IMMT: variants seen among roughly 807,000 people sequenced by gnomAD.
IMMT encodes inner membrane mitochondrial protein, also known as MICOS complex subunit MIC60.
In IMMT, 40 loss-of-function variants were observed where a neutral mutation model predicts 92.7. The ratio of observed to expected loss-of-function variants is 0.43; its 90% CI spans 0.34 to 0.56. The LOEUF (loss-of-function observed/expected upper bound fraction) is 0.56. IMMT is among the 20% of genes least tolerant of loss of function. The pLI, the probability that IMMT is intolerant of heterozygous loss-of-function variation, is 0.03. For synonymous variants in IMMT, 322 were observed against 336.1 expected (o/e 0.96, Z 0.46); for missense variants, 831 against 912.1 (o/e 0.91, Z 1.14).
intron 11 of IMMT, among the ~76,000 whole-genome samples, chr2:86,152,629 C>T (rs1234320788): frequency 6.7e-6 from 1 of 149,990 alleles, no homozygotes; most frequent in Non-Finnish European, 1.5e-5. Context: ...GGCATGGGGG[C>T]ACATGCCTGT....
At chr2:86,178,314 T>G (rs368867969) in intron 3 of IMMT, among the ~76,000 whole-genome samples, 95 of 60,014 alleles carry the variant, frequency 1.6e-3, no homozygotes, top group African/African-American at 6.2e-3. Flanking sequence ...CAAGACTCCA[T>G]CTCAAAAAAA....
rs1281814607 is a variant in IMMT, at chr2:86,170,743, A to C, written c.655+6T>G. ...AAATCCTTAAGAAGCTGTCTGGTTT[A>C]CATACACTCAATTTTAACTTGTTCT... On this transcript the variant is annotated splice_donor_region_variant and intron_variant, in intron 6 of 14. Coordinates refer to ENST00000410111, the MANE Select transcript of IMMT (RefSeq NM_006839.3). The C allele has an allele frequency of 6.4e-7, 1 of 1,560,490 alleles. No homozygotes were observed. The highest frequency in any genetic ancestry group is 1.2e-5 in the South Asian group (1 of 85,222).
In IMMT at chr2:86,151,463, A is replaced by G. The variant is rs753362535; in HGVS notation, c.1235T>C (p.Ile412Thr). The G allele has an allele frequency of 1.9e-6, 3 of 1,614,002 alleles. No individual in the cohort carries two copies. The highest frequency in any genetic ancestry group is 8.5e-7 in the Non-Finnish European group (1 of 1,179,904). Reference protein sequence around the residue: ...NSLIAHAHRRIDQLNRELAEQ... With the variant: ...NSLIAHAHRRTDQLNRELAEQ... The stretch of plus-strand genomic sequence containing the variant: ...TGCCAGCTCTCTGTTCAGCTGATCA[A>G]TACGACGATGTGCATGAGCAATGAG... The change falls in exon 12 of 15, where the codon ATT (isoleucine) becomes ACT (threonine). Residue 412 changes from isoleucine (I) to threonine (T), a missense_variant. By Grantham distance (89) the Ile-to-Thr change is moderately conservative. Transcript: ENST00000410111.
chr2:86,155,353 T>C (rs565638717), intron 10 of IMMT, among the ~76,000 whole-genome samples: 1 of 132,918 alleles, frequency 7.5e-6, no homozygotes, highest in Admixed American at 8.2e-5. Context: ...AGTCCCGTGC[T>C]GCTGATACAA....
chr2:86,166,322 CTCCG>C (rs1426901988), intron 7 of IMMT, among the ~76,000 whole-genome samples, 182 bp downstream of exon 7: 1 of 152,228 alleles, frequency 6.6e-6, no homozygotes, highest in Non-Finnish European at 1.5e-5. Flanking sequence ...CAGAGCAAGA[CTCCG>C]TCTCAAAACA....
intron 3 of IMMT, among the ~76,000 whole-genome samples, chr2:86,174,872 T>C (rs1677327254): frequency 6.6e-6 from 1 of 152,222 alleles, no homozygotes; most frequent in Non-Finnish European, 1.5e-5. Context: ...AATTGTTTCC[T>C]GTTTTGTTTT....
At position 86,147,811 on chromosome 2, in the gene IMMT, A is replaced by G; in HGVS notation, c.1424T>C (p.Met475Thr). 3.1e-6 allele frequency: 5 copies of G among 1,613,858 alleles called. No individual in the cohort carries two copies. Among genetic ancestry groups the G allele is most frequent in the Non-Finnish European group, 2.5e-6 (3 of 1,179,822 alleles). The change falls in exon 13 of 15, where the codon ATG (methionine) becomes ACG (threonine). Residue 475 changes from methionine to threonine, a missense_variant. By Grantham distance (81) the Met-to-Thr change is moderately conservative (BLOSUM62 -1). Transcript: ENST00000410111. ...AAGCTGGGTTCTCATTTCATTTTCC[A>G]TGGCATCTCTGACTTCTTCTATCTG... ...DRKIEEVRDAMENEMRTQLRR... is the reference protein window; with the variant it reads ...DRKIEEVRDATENEMRTQLRR...
At chr2:86,195,072 C>T (rs1174829730) in intron 1 of IMMT, 5 of 405,592 alleles carry the variant, frequency 1.2e-5, no homozygotes, top group Non-Finnish European at 4.6e-6. Context: ...ACGGGGGCAG[C>T]GCGGCCCTGA....
At chr2:86,151,213 C>T (rs1376596909) in intron 12 of IMMT, 84 bp downstream of exon 12, 76 of 1,201,524 alleles carry the variant, frequency 6.3e-5, no homozygotes, top group Non-Finnish European at 8.9e-5. Context: ...CCACTGCACC[C>T]GGCTGAGCCA....
intron 3 of IMMT, 42 bp downstream of exon 3, chr2:86,179,391 G>C (rs998818500): frequency 2.1e-6 from 3 of 1,427,418 alleles, no homozygotes; most frequent in Non-Finnish European, 2.8e-6. Flanking sequence ...TGCTTTTAAA[G>C]TATTTCATTG....
chr2:86,170,506 A>G (rs779231265), intron 6 of IMMT, among the ~76,000 whole-genome samples: 9 of 152,236 alleles, frequency 5.9e-5, no homozygotes, highest in Non-Finnish European at 1.0e-4. Context: ...CTTTAGCGCT[A>G]ACATAATCTT....
Position 86,146,083 on chromosome 2 carries a change from C to T in IMMT, c.1648G>A (p.Glu550Lys), listed in dbSNP as rs755867536. ...TTATGCTTACTCTGAACAGCCTGTT[C>T]GATTCCTCTGAGTCTGGCATAGGCA... Reference protein sequence around the residue: ...NTAYARLRGIEQAVQSHAVAE... With the variant: ...NTAYARLRGIKQAVQSHAVAE... The change falls in exon 14 of 15, where the codon GAA becomes AAA. Residue 550 changes from glutamate to lysine, a missense_variant. Physicochemically the swap from Glu to Lys is moderately conservative, Grantham distance 56 (BLOSUM62 1). Coordinates refer to ENST00000410111, the MANE Select transcript of IMMT (RefSeq NM_006839.3). 3.2e-6 allele frequency: 5 copies of T among 1,585,848 alleles called. No individual in the cohort carries two copies. The highest frequency in any genetic ancestry group is 1.1e-5 in the South Asian group (1 of 87,158).
chr2:86,156,039 C>G (rs1343608683), intron 10 of IMMT, among the ~76,000 whole-genome samples: 1 of 152,054 alleles, frequency 6.6e-6, no homozygotes, highest in Non-Finnish European at 1.5e-5. Flanking sequence ...CACAAGGGAC[C>G]TTCATTTTCT....
intron 3 of IMMT, among the ~76,000 whole-genome samples, chr2:86,177,777 C>G (rs905905401): frequency 6.6e-6 from 1 of 152,128 alleles, no homozygotes; most frequent in African/African-American, 2.4e-5. Context: ...GGTTTTATGT[C>G]ATGACCATTC....
intron 4 of IMMT, among the ~76,000 whole-genome samples, chr2:86,172,945 G>A (rs59185549): frequency 0.029 from 4,349 of 151,990 alleles, 104 homozygotes; most frequent in East Asian, 0.1. Flanking sequence ...CATCCTATAC[G>A]TTTTACTTGT....
chr2:86,169,184 C>G (rs1404568695), intron 6 of IMMT, among the ~76,000 whole-genome samples: 1 of 152,148 alleles, frequency 6.6e-6, no homozygotes, highest in Non-Finnish European at 1.5e-5. Context: ...AAAAGAACAG[C>G]TGGAACAGCA....
At chr2:86,162,863 A>T (rs1676396681) in intron 7 of IMMT, among the ~76,000 whole-genome samples, 1 of 152,118 alleles carries the variant, frequency 6.6e-6, no homozygotes, top group African/African-American at 2.4e-5. Flanking sequence ...TTTCCTTGAA[A>T]ATCTTAGGCA....
At chr2:86,182,949 C>T (rs1672533220) in intron 1 of IMMT, among the ~76,000 whole-genome samples, 1 of 151,978 alleles carries the variant, frequency 6.6e-6, no homozygotes, top group Admixed American at 6.6e-5. Context: ...CTGTAGAATT[C>T]CCAACATTTT....
chr2:86,148,270 A>G (rs939011983), intron 12 of IMMT, among the ~76,000 whole-genome samples: 3 of 152,214 alleles, frequency 2.0e-5, no homozygotes, highest in Non-Finnish European at 2.9e-5. Flanking sequence ...TCAAATCTCC[A>G]CTTTCTCATT....
Sources: gnomAD v4.1 joint callset for allele counts (sites outside exome capture counted in the v4.1 genomes callset) on GRCh38, gnomAD v4.1.1 for gene constraint, MANE v1.5 for transcripts, NCBI Gene and HGNC (gene_info 2026-07-23, HGNC 2026-07-21) for gene names.